Variants in COL4A6 observed in about 807,000 individuals in gnomAD.
The protein encoded by COL4A6 is collagen alpha-6(IV) chain.
In COL4A6, 59 loss-of-function variants were observed where a neutral mutation model predicts 126.7. That is an observed-to-expected ratio of 0.47 (90% CI 0.38 to 0.58). The LOEUF (loss-of-function observed/expected upper bound fraction) is 0.58. COL4A6 is among the 20% of genes least tolerant of loss of function. COL4A6 has a pLI of 0.00. For missense variants in COL4A6, 1,285 were observed against 1,337.3 expected (o/e 0.96, Z 0.61); for synonymous variants, 547 against 496.6 (o/e 1.10, Z -1.35).
Position 108,174,517 on chromosome X carries a change from A to G in COL4A6, c.3061T>C (p.Phe1021Leu), listed in dbSNP as rs753031000. The change falls in exon 31 of 45, where the codon TTC becomes CTC. Residue 1021 changes from phenylalanine (F) to leucine (L), a missense_variant. Phe to Leu is a conservative substitution (Grantham distance 22, BLOSUM62 0). Coordinates refer to ENST00000334504, the MANE Select transcript of COL4A6 (RefSeq NM_033641.4). ...GVSGKPGPPG[F>L]MGIRGLPGLK... ...CCAGGTAAGCCCCGGATTCCCATGA[A>G]GCCAGGGGGCCCTGGCTTTCCACTA... The G allele has an allele frequency of 5.8e-6, 7 of 1,210,879 alleles. No individual in the cohort carries two copies. Among genetic ancestry groups the G allele is most frequent in the Non-Finnish European group, 7.8e-6 (7 of 894,977 alleles).
chrX:108,400,401 T>TTAG (rs775670324), intron 2 of COL4A6, among the ~76,000 whole-genome samples: 6 of 111,322 alleles, frequency 5.4e-5, no homozygotes, highest in African/African-American at 1.9e-4. Context: ...TATCAGCATT[T>TTAG]TAGTAGTCAC....
chrX:108,289,713 G>A (rs1424823235), intron 3 of COL4A6, among the ~76,000 whole-genome samples: 1 of 109,041 alleles, frequency 9.2e-6, no homozygotes, highest in Non-Finnish European at 1.9e-5. Context: ...CCAGCCCATT[G>A]GCCTGCACTC....
At chrX:108,367,346 T>C (rs1371717134) in intron 2 of COL4A6, among the ~76,000 whole-genome samples, 1 of 111,262 alleles carries the variant, frequency 9.0e-6, no homozygotes, top group Admixed American at 9.6e-5. Context: ...GGTCCCAGAG[T>C]AGGTGCTCAG....
intron 2 of COL4A6, among the ~76,000 whole-genome samples, chrX:108,369,052 TTTATAA>T (rs1327619792): frequency 4.5e-5 from 5 of 112,212 alleles, no homozygotes; most frequent in African/African-American, 6.5e-5. Context: ...GTAATAGTAG[TTTATAA>T]TTATTACCAA....
chrX:108,332,078 C>T (rs1458200917), intron 2 of COL4A6, among the ~76,000 whole-genome samples: 1 of 111,156 alleles, frequency 9.0e-6, no homozygotes, highest in African/African-American at 3.3e-5. Flanking sequence ...TTTTTTATCT[C>T]CCACTTATGA....
intron 2 of COL4A6, among the ~76,000 whole-genome samples, chrX:108,330,548 C>T (rs149133172): frequency 0.018 from 2,011 of 111,121 alleles, 28 homozygotes; most frequent in Non-Finnish European, 0.027. Context: ...TGAATGCAAA[C>T]TAAGTACTGA....
At chrX:108,273,124 C>T (rs1339702738) in intron 3 of COL4A6, among the ~76,000 whole-genome samples, 2 of 110,129 alleles carry the variant, frequency 1.8e-5, no homozygotes, top group Non-Finnish European at 3.8e-5. Context: ...GTGACGTTCC[C>T]CATCCTGTGT....
intron 3 of COL4A6, among the ~76,000 whole-genome samples, chrX:108,259,339 C>T (rs1218034393): frequency 4.5e-5 from 5 of 111,645 alleles, no homozygotes; most frequent in East Asian, 2.8e-4. Flanking sequence ...ATATGACCAC[C>T]CCACAAATAA....
At chrX:108,352,401 C>G (rs1242803860) in intron 2 of COL4A6, among the ~76,000 whole-genome samples, 2 of 112,527 alleles carry the variant, frequency 1.8e-5, no homozygotes, top group East Asian at 5.6e-4. Flanking sequence ...AGTGACAAAT[C>G]TTTGATGAAG....
intron 3 of COL4A6, among the ~76,000 whole-genome samples, chrX:108,269,980 T>G (rs1044853654): frequency 1.8e-5 from 2 of 111,733 alleles, no homozygotes; most frequent in African/African-American, 6.5e-5. Context: ...TCCTTGGAGT[T>G]GTCCTTTGGA....
At chrX:108,206,452 C>T in intron 9 of COL4A6, 66 bp downstream of exon 9, 1 of 1,079,511 alleles carries the variant, frequency 9.3e-7, no homozygotes, top group Non-Finnish European at 1.3e-6. Context: ...ACATTGAATC[C>T]ATAGTATGTA....
intron 3 of COL4A6, among the ~76,000 whole-genome samples, chrX:108,254,728 A>G (rs973804674): frequency 9.0e-6 from 1 of 110,625 alleles, no homozygotes; most frequent in African/African-American, 3.3e-5. Flanking sequence ...TCTTGCATCA[A>G]TAGATGTGGT....
chrX:108,192,557 G>A lies in COL4A6; in HGVS notation c.1096C>T (p.Pro366Ser). ...ISGNPGDPGV[P>S]GLPGLKGDEG... ...TCTCCTTTAAGGCCTGGGAGGCCAGGTACACCAGGATCTCCAGGATTACCT... is the reference window on the plus strand; with the variant it reads ...TCTCCTTTAAGGCCTGGGAGGCCAGATACACCAGGATCTCCAGGATTACCT... The change falls in exon 18 of 45, where the codon CCT becomes TCT. Residue 366 changes from proline (P) to serine (S), a missense_variant. By Grantham distance (74) the Pro-to-Ser change is moderately conservative. Transcript: ENST00000334504. The A allele has an allele frequency of 8.3e-7, 1 of 1,200,721 alleles. No homozygotes were observed. The highest frequency in any genetic ancestry group is 1.1e-6 in the Non-Finnish European group (1 of 887,697).
intron 3 of COL4A6, among the ~76,000 whole-genome samples, chrX:108,306,585 A>C (rs2038631220): frequency 1.8e-5 from 2 of 111,886 alleles, no homozygotes; most frequent in Non-Finnish European, 1.9e-5. Context: ...TTGCAGGAGG[A>C]GAATAAATTG....
At chrX:108,391,288 C>A (rs746500173) in intron 2 of COL4A6, among the ~76,000 whole-genome samples, 19 of 112,013 alleles carry the variant, frequency 1.7e-4, no homozygotes, top group African/African-American at 5.8e-4. Flanking sequence ...GCTGAAGCTG[C>A]ACCCACAGCT....
At chrX:108,395,653 A>G (rs1355242135) in intron 2 of COL4A6, among the ~76,000 whole-genome samples, 1 of 112,074 alleles carries the variant, frequency 8.9e-6, no homozygotes, top group Non-Finnish European at 1.9e-5. Context: ...CCTGAATTAT[A>G]GTTTATATTT....
chrX:108,162,470 G>T (rs2033988206), intron 41 of COL4A6, among the ~76,000 whole-genome samples: 1 of 111,097 alleles, frequency 9.0e-6, no homozygotes, highest in Non-Finnish European at 1.9e-5. Flanking sequence ...AGAAGAAGAA[G>T]AAGAAGAGGA....
At chrX:108,300,102 TA>T (rs1219247887) in intron 3 of COL4A6, among the ~76,000 whole-genome samples, 2 of 110,849 alleles carry the variant, frequency 1.8e-5, no homozygotes, top group African/African-American at 3.3e-5. Flanking sequence ...GAAAAGCATC[TA>T]ATAGTCCTAC....
At chrX:108,338,048 G>C (rs2039474033) in intron 2 of COL4A6, among the ~76,000 whole-genome samples, 1 of 110,998 alleles carries the variant, frequency 9.0e-6, no homozygotes, top group Non-Finnish European at 1.9e-5. Flanking sequence ...TAATGGCAGT[G>C]TTCCTAACCC....
Sources: allele counts gnomAD v4.1 joint callset (sites outside exome capture counted in the v4.1 genomes callset), GRCh38; gene constraint gnomAD v4.1.1; transcripts MANE v1.5; gene names NCBI Gene and HGNC (gene_info 2026-07-23, HGNC 2026-07-21).